Variants in COL23A1 observed in about 807,000 individuals in gnomAD.
COL23A1 encodes the protein collagen type XXIII alpha 1 chain, also known as collagen alpha-1(XXIII) chain.
Under a neutral mutation model 99.3 loss-of-function variants are expected in COL23A1, and 97 were observed. The ratio of observed to expected loss-of-function variants is 0.98; its 90% CI spans 0.83 to 1.16. The LOEUF (loss-of-function observed/expected upper bound fraction) is 1.16, where lower values mean the gene tolerates loss of function less well. Ranked by LOEUF, COL23A1 falls within the 50% of genes most tolerant of loss-of-function variation. The pLI is 0.00. For synonymous variants in COL23A1, 320 were observed against 308.2 expected (o/e 1.04, Z -0.40); for missense variants, 762 against 757.4 (o/e 1.01, Z -0.07).
intron 3 of COL23A1, among the ~76,000 whole-genome samples, chr5:178,291,428 T>C (rs1414202924): frequency 6.6e-6 from 1 of 152,172 alleles, no homozygotes; most frequent in Non-Finnish European, 1.5e-5. Context: ...ACAAGGGCCC[T>C]GACCCAGGCT....
chr5:178,243,207 G>A (rs1764502560), intron 25 of COL23A1, among the ~76,000 whole-genome samples: 1 of 150,496 alleles, frequency 6.6e-6, no homozygotes, highest in East Asian at 2.0e-4. Flanking sequence ...AAACAAAGAG[G>A]CCAGGCATGG....
chr5:178,501,192 G>T (rs1758514228), intron 2 of COL23A1, among the ~76,000 whole-genome samples: 1 of 152,210 alleles, frequency 6.6e-6, no homozygotes, highest in Non-Finnish European at 1.5e-5. Flanking sequence ...GAATGATACA[G>T]CAGTCAGTTT....
chr5:178,546,932 C>T (rs1162363844), intron 2 of COL23A1, among the ~76,000 whole-genome samples: 4 of 152,218 alleles, frequency 2.6e-5, no homozygotes, highest in South Asian at 4.1e-4. Context: ...TGGAGGAACA[C>T]GGAGGAGGCA....
At chr5:178,377,507 G>C (rs1763140127) in intron 2 of COL23A1, among the ~76,000 whole-genome samples, 2 of 152,226 alleles carry the variant, frequency 1.3e-5, no homozygotes, top group African/African-American at 4.8e-5. Flanking sequence ...AGCCAGACGT[G>C]TCATCCTGGG....
At chr5:178,362,562 C>T (rs1178559157) in intron 2 of COL23A1, among the ~76,000 whole-genome samples, 2 of 152,218 alleles carry the variant, frequency 1.3e-5, no homozygotes, top group Admixed American at 6.5e-5. Context: ...CTCCCACCCA[C>T]CCTTGCCACC....
intron 2 of COL23A1, among the ~76,000 whole-genome samples, chr5:178,494,623 C>A (rs186760898): frequency 6.6e-6 from 1 of 152,160 alleles, no homozygotes; most frequent in African/African-American, 2.4e-5. Context: ...TGCACTGAGC[C>A]GAGATTGCAC....
At chr5:178,347,605 C>A (rs1433459699) in intron 2 of COL23A1, among the ~76,000 whole-genome samples, 1 of 151,626 alleles carries the variant, frequency 6.6e-6, no homozygotes, top group Non-Finnish European at 1.5e-5. Context: ...AAAATAGGGC[C>A]GGGCGTGGTG....
At position 178,289,716 on chromosome 5, in the gene COL23A1, G is replaced by A. The variant is rs1233935322; in HGVS notation, c.414+646C>T. Among the ~76,000 whole-genome samples the A allele has an allele frequency of 5.9e-5, 9 of 152,202 alleles. No homozygotes were observed. The East Asian group carries it at 7.7e-4, about 13-fold the overall frequency. Reference sequence around the variant, plus strand: ...CTGTCACGGAGCATTTTAAAGCTACGGACATGGTGCTAGCATTTCCGTGTA... The same window carrying A: ...CTGTCACGGAGCATTTTAAAGCTACAGACATGGTGCTAGCATTTCCGTGTA... On this transcript the variant is annotated intron_variant, in intron 4 of 28. Transcript: ENST00000390654.
intron 2 of COL23A1, among the ~76,000 whole-genome samples, chr5:178,360,321 A>C (rs1214595615): frequency 2.6e-5 from 4 of 152,224 alleles, no homozygotes; most frequent in Non-Finnish European, 5.9e-5. Flanking sequence ...TTTTTCAAGG[A>C]AAGTACGTTT....
At chr5:178,277,200 TAA>T (rs61628732) in intron 5 of COL23A1, among the ~76,000 whole-genome samples, 92,436 of 137,264 alleles carry the variant, frequency 0.67, 30,764 homozygotes, top group Non-Finnish European at 0.73. Flanking sequence ...ACCTCATCTC[TAA>T]AAAAAAAAAA....
chr5:178,246,339 G>A, intron 23 of COL23A1, 32 bp from the exon 24 acceptor site: 2 of 1,559,582 alleles, frequency 1.3e-6, no homozygotes, highest in South Asian at 2.4e-5. Flanking sequence ...CAAGAGGCAT[G>A]CTAGTGACAG....
chr5:178,576,293 C>T (rs1763353277), intron 1 of COL23A1, among the ~76,000 whole-genome samples: 1 of 152,008 alleles, frequency 6.6e-6, no homozygotes, highest in Non-Finnish European at 1.5e-5. Context: ...GGCTGGAGTC[C>T]AGTGGCATGA....
chr5:178,250,808 C>T (rs1050383536), intron 17 of COL23A1, among the ~76,000 whole-genome samples: 17 of 126,746 alleles, frequency 1.3e-4, no homozygotes, highest in Non-Finnish European at 3.0e-4. Context: ...ATGGTGAAAC[C>T]CCCCTCTACT....
intron 21 of COL23A1, 65 bp from the exon 22 acceptor site, chr5:178,247,617 C>G (rs1334112740): frequency 4.4e-6 from 7 of 1,602,166 alleles, no homozygotes; most frequent in Non-Finnish European, 6.0e-6. Context: ...CACTCACTGG[C>G]CCCTGGGGCC....
At chr5:178,473,461 ATTTTT>A (rs58255875) in intron 2 of COL23A1, among the ~76,000 whole-genome samples, 1 of 95,088 alleles carries the variant, frequency 1.1e-5, no homozygotes. Flanking sequence ...CATCCGGCTA[ATTTTT>A]TTTTTTTTTT....
At chr5:178,370,811 G>A (rs577044626) in intron 2 of COL23A1, among the ~76,000 whole-genome samples, 1 of 152,196 alleles carries the variant, frequency 6.6e-6, no homozygotes, top group Non-Finnish European at 1.5e-5. Flanking sequence ...GCGTGGTGGT[G>A]TGCACCTGCA....
chr5:178,356,233 C>T (rs771515222), intron 2 of COL23A1, among the ~76,000 whole-genome samples: 1 of 152,066 alleles, frequency 6.6e-6, no homozygotes, highest in Non-Finnish European at 1.5e-5. Context: ...CCAATGGGTA[C>T]AGGACTTCTT....
intron 2 of COL23A1, among the ~76,000 whole-genome samples, chr5:178,359,734 G>A (rs1167538987): frequency 1.3e-5 from 2 of 152,238 alleles, no homozygotes; most frequent in African/African-American, 4.8e-5. Context: ...CAGATCTTGT[G>A]TGCAAAGCCC....
At chr5:178,294,986 A>G (rs570002589) in intron 3 of COL23A1, among the ~76,000 whole-genome samples, 1 of 152,220 alleles carries the variant, frequency 6.6e-6, no homozygotes, top group Admixed American at 6.5e-5. Flanking sequence ...TATTAAAAAT[A>G]CAACAAAACA....
Sources: allele counts gnomAD v4.1 joint callset (sites outside exome capture counted in the v4.1 genomes callset), GRCh38; gene constraint gnomAD v4.1.1; transcripts MANE v1.5; gene names NCBI Gene and HGNC (gene_info 2026-07-23, HGNC 2026-07-21).